CDKAL1: variants seen among roughly 807,000 people sequenced by gnomAD.
CDKAL1 encodes threonylcarbamoyladenosine tRNA methylthiotransferase.
In CDKAL1, 32 loss-of-function variants were observed where a neutral mutation model predicts 68.2. The ratio of observed to expected loss-of-function variants is 0.47; its 90% CI spans 0.35 to 0.63. The LOEUF (loss-of-function observed/expected upper bound fraction) is 0.63, where lower values mean the gene tolerates loss of function less well. Among genes scored for constraint, CDKAL1 ranks in the 30% least tolerant of loss-of-function variants. The pLI, the probability that CDKAL1 is intolerant of heterozygous loss-of-function variation, is 0.00. For missense variants in CDKAL1, 606 were observed against 696.7 expected, an observed-to-expected ratio of 0.87 and a Z score of 1.47; for synonymous variants, 234 against 244.3, an observed-to-expected ratio of 0.96 and a Z score of 0.39.
At chr6:20,545,354 G>A (rs1359544809) in intron 2 of CDKAL1, among the ~76,000 whole-genome samples, 1 of 151,994 alleles carries the variant, frequency 6.6e-6, no homozygotes, top group Non-Finnish European at 1.5e-5. Flanking sequence ...TGAATATTTA[G>A]AAAAGTCGTA....
At chr6:20,876,071 A>G (rs1760497130) in intron 9 of CDKAL1, among the ~76,000 whole-genome samples, 1 of 152,262 alleles carries the variant, frequency 6.6e-6, no homozygotes. Context: ...AAAATTTCTG[A>G]AAATGTAAAT....
chr6:21,186,899 T>A (rs561183825), intron 13 of CDKAL1, among the ~76,000 whole-genome samples: 118 of 152,310 alleles, frequency 7.7e-4, no homozygotes, highest in Non-Finnish European at 1.4e-3. Context: ...CAACCACAGA[T>A]GTTACTTCAC....
At chr6:20,766,787 T>G (rs1429729154) in intron 7 of CDKAL1, among the ~76,000 whole-genome samples, 4 of 152,166 alleles carry the variant, frequency 2.6e-5, no homozygotes. Flanking sequence ...TTCCCAGGGT[T>G]CTCGTTTCTC....
At position 20,878,225 on chromosome 6, in the gene CDKAL1, G is replaced by A. The variant is rs111385841; in HGVS notation, c.742+32047G>A. On this transcript the variant is annotated intron_variant, in intron 9 of 15. Coordinates refer to ENST00000274695, the MANE Select transcript of CDKAL1 (RefSeq NM_017774.3). ...AGTGTCTCATACATACAGATTCTCAGTAAAATTTTGCTGGTGGAATGGAGT... is the reference window on the plus strand; with the variant it reads ...AGTGTCTCATACATACAGATTCTCAATAAAATTTTGCTGGTGGAATGGAGT... Among the ~76,000 whole-genome samples, 505 of 152,246 alleles carry A rather than the reference G, an allele frequency of 3.3e-3. 5 individuals carry two copies. Among genetic ancestry groups the A allele is most frequent in the African/African-American group, 0.012 (480 of 41,532 alleles).
chr6:21,062,052 C>G (rs1250432739), intron 11 of CDKAL1, among the ~76,000 whole-genome samples: 1 of 152,218 alleles, frequency 6.6e-6, no homozygotes. Flanking sequence ...TCTTTTGTCA[C>G]TATGACCCTT....
In CDKAL1 at chr6:20,678,473, C is replaced by T. The variant is rs371076584; in HGVS notation, c.371+29096C>T. On this transcript the variant is annotated intron_variant, in intron 5 of 15. Coordinates refer to ENST00000274695, the MANE Select transcript of CDKAL1 (RefSeq NM_017774.3). ...TGTGAACCACATTTAAAATCTTTTT[C>T]TTTTAATAGGTGAGTTAAGCTTCTT... 2.8e-4 allele frequency among the ~76,000 whole-genome samples: 43 copies of T among 152,164 alleles called. No homozygotes were observed. In the Middle Eastern group the frequency reaches 0.01, roughly 36 times the overall value.
chr6:20,564,058 T>A (rs932137190), intron 4 of CDKAL1, among the ~76,000 whole-genome samples: 3 of 152,176 alleles, frequency 2.0e-5, no homozygotes, highest in Non-Finnish European at 4.4e-5. Context: ...GCTCTATTAA[T>A]CTCATGAAAT....
chr6:21,044,020 T>C (rs1447346370), intron 11 of CDKAL1, among the ~76,000 whole-genome samples: 1 of 152,224 alleles, frequency 6.6e-6, no homozygotes, highest in Admixed American at 6.5e-5. Context: ...ATAAATTCTA[T>C]TGATGTCACA....
chr6:20,938,142 T>C (rs1173469423), intron 9 of CDKAL1, among the ~76,000 whole-genome samples: 1 of 152,238 alleles, frequency 6.6e-6, no homozygotes, highest in Non-Finnish European at 1.5e-5. Context: ...TTCTATACTT[T>C]AAATTCTACT....
At chr6:20,930,330 T>G (rs1255187957) in intron 9 of CDKAL1, among the ~76,000 whole-genome samples, 1 of 152,240 alleles carries the variant, frequency 6.6e-6, no homozygotes, top group African/African-American at 2.4e-5. Flanking sequence ...ACTTCATTGT[T>G]TTTTAAAGCC....
intron 5 of CDKAL1, among the ~76,000 whole-genome samples, chr6:20,679,625 A>G (rs1770282960): frequency 6.6e-6 from 1 of 152,202 alleles, no homozygotes. Context: ...AACTTTTTAT[A>G]TAGCCTTGAA....
intron 4 of CDKAL1, among the ~76,000 whole-genome samples, chr6:20,589,509 T>C (rs1366065170): frequency 1.3e-5 from 2 of 152,206 alleles, no homozygotes; most frequent in Non-Finnish European, 2.9e-5. Context: ...GTTGATAATA[T>C]TGTTTCTCAA....
At chr6:21,144,371 T>G (rs986499173) in intron 13 of CDKAL1, among the ~76,000 whole-genome samples, 1 of 152,172 alleles carries the variant, frequency 6.6e-6, no homozygotes, top group Non-Finnish European at 1.5e-5. Flanking sequence ...AACAACTGTT[T>G]TTAAAGCAAC....
chr6:20,782,512 A>G (rs967173313), intron 8 of CDKAL1, among the ~76,000 whole-genome samples: 11 of 152,126 alleles, frequency 7.2e-5, no homozygotes, highest in African/African-American at 2.7e-4. Context: ...CCCTTCATTC[A>G]AACATTATAA....
chr6:20,731,172 C>T lies in CDKAL1; in HGVS notation c.372-8347C>T, dbSNP rs116767327. ...AGGACTGCCCAGGTAGTTAGAGCTT[C>T]GTAGGCCATTCTTATGAACTATTAG... is the stretch of plus-strand genomic sequence containing the variant. On this transcript the variant is annotated intron_variant, in intron 5 of 15. Coordinates refer to ENST00000274695, the MANE Select transcript of CDKAL1 (RefSeq NM_017774.3). Among the ~76,000 whole-genome samples, 762 of 152,242 alleles carry T rather than the reference C, an allele frequency of 5.0e-3. 5 individuals carry two copies. Among genetic ancestry groups the T allele is most frequent in the African/African-American group, 0.017 (700 of 41,546 alleles).
chr6:21,100,825 T>A (rs1030061496), intron 12 of CDKAL1, among the ~76,000 whole-genome samples: 1 of 152,230 alleles, frequency 6.6e-6, no homozygotes, highest in Admixed American at 6.5e-5. Context: ...ATGAGTATTA[T>A]CATCTTAGGG....
At chr6:20,752,336 A>G (rs1168022423) in intron 6 of CDKAL1, among the ~76,000 whole-genome samples, 3 of 152,062 alleles carry the variant, frequency 2.0e-5, no homozygotes, top group African/African-American at 7.2e-5. Context: ...TGTGTTGGCA[A>G]TATTCCACTT....
At chr6:21,011,453 C>CA (rs1300827927) in intron 11 of CDKAL1, among the ~76,000 whole-genome samples, 12 of 152,076 alleles carry the variant, frequency 7.9e-5, no homozygotes, top group Non-Finnish European at 1.3e-4. Context: ...TGTGAATTAA[C>CA]ATTAATTTCA....
intron 9 of CDKAL1, among the ~76,000 whole-genome samples, chr6:20,949,495 T>C (rs924321559): frequency 7.2e-5 from 11 of 152,346 alleles, no homozygotes; most frequent in African/African-American, 2.2e-4. Context: ...GCTTTTCAAA[T>C]GTTAGCTGAA....
Sources: allele counts gnomAD v4.1 joint callset (sites outside exome capture counted in the v4.1 genomes callset), GRCh38; gene constraint gnomAD v4.1.1; transcripts MANE v1.5; gene names NCBI Gene and HGNC (gene_info 2026-07-23, HGNC 2026-07-21).